ABCA12: variants seen among roughly 807,000 people sequenced by gnomAD.
ABCA12 encodes the protein ATP binding cassette subfamily A member 12, also known as glucosylceramide transporter ABCA12.
In ABCA12, 156 loss-of-function variants were observed where a neutral mutation model predicts 293.5. The ratio of observed to expected loss-of-function variants is 0.53; its 90% CI spans 0.47 to 0.61. The LOEUF is 0.61. ABCA12 is among the 20% of genes least tolerant of loss of function. The pLI, the probability that ABCA12 is intolerant of heterozygous loss-of-function variation, is 0.00. For synonymous variants in ABCA12, 1,063 were observed against 1,108.0 expected (o/e 0.96, Z 0.81); for missense variants, 2,797 against 3,090.2 (o/e 0.91, Z 2.25).
At chr2:215,128,793 C>T (rs1327019846) in intron 1 of ABCA12, among the ~76,000 whole-genome samples, 1 of 152,154 alleles carries the variant, frequency 6.6e-6, no homozygotes. Context: ...AATTCTTTGT[C>T]AGGTAAATCA....
intron 2 of ABCA12, among the ~76,000 whole-genome samples, chr2:215,107,221 G>A (rs1702481089): frequency 1.3e-5 from 2 of 152,164 alleles, no homozygotes; most frequent in African/African-American, 4.8e-5. Context: ...GGACATTCAT[G>A]GGTATGTGTG....
intron 31 of ABCA12, 100 bp from the exon 32 acceptor site, chr2:214,979,140 T>A: frequency 9.7e-7 from 1 of 1,030,450 alleles, no homozygotes; most frequent in Non-Finnish European, 1.5e-6. Flanking sequence ...TTTAGGCCAC[T>A]CCACACCTGA....
Position 214,974,472 on chromosome 2 carries a change from T to C in ABCA12, c.5468+306A>G, listed in dbSNP as rs145923982. Among the ~76,000 whole-genome samples, 614 of 152,310 alleles carry C rather than the reference T, an allele frequency of 4.0e-3. 1 individual carries two copies. Among genetic ancestry groups the C allele is most frequent in the Non-Finnish European group, 6.2e-3 (423 of 68,012 alleles). On this transcript the variant is annotated intron_variant, in intron 35 of 52. Coordinates refer to ENST00000272895, the MANE Select transcript of ABCA12 (RefSeq NM_173076.3). ...CTGGAGTCTCAGCTAGATAAGTATC[T>C]TGGTCTCTGTGGGCCTCAGTTCTTT...
intron 3 of ABCA12, among the ~76,000 whole-genome samples, chr2:215,061,467 G>C (rs779796902): frequency 6.6e-5 from 10 of 151,964 alleles, no homozygotes; most frequent in Non-Finnish European, 1.5e-4. Flanking sequence ...AGAAAAGGAA[G>C]ACTGTTTTGT....
At chr2:215,008,369 T>C (rs1700299202) in intron 18 of ABCA12, among the ~76,000 whole-genome samples, 1 of 152,044 alleles carries the variant, frequency 6.6e-6, no homozygotes, top group Non-Finnish European at 1.5e-5. Context: ...GAATATTTAT[T>C]GCTACATTGT....
rs73090405 is a variant in ABCA12, at chr2:214,986,407, C to A, written c.4163+135G>T. 2,545 of 947,378 alleles carry A rather than the reference C, an allele frequency of 2.7e-3. 48 individuals are homozygous for A. In the African/African-American group the frequency reaches 0.037, roughly 14 times the overall value. 58.7% of individuals were successfully genotyped at this position (947,378 alleles called of 1,614,324 possible). A position where few individuals can be genotyped will look rare whatever the true frequency, so the allele number is the denominator to read the frequency against. On this transcript the variant is annotated intron_variant, in intron 28 of 52. Transcript: ENST00000272895. ...GATTTTGACTCCATTCTATAGCATA[C>A]AAGTTGAACCATCTTCCTCCATCTG... is the stretch of plus-strand genomic sequence containing the variant.
At chr2:215,093,699 A>G (rs11682556) in intron 2 of ABCA12, among the ~76,000 whole-genome samples, 53,519 of 152,044 alleles carry the variant, frequency 0.35, 10,133 homozygotes, top group Non-Finnish European at 0.44. Flanking sequence ...AACTTTCAAA[A>G]TCTATTTTCT....
At chr2:215,004,018 A>G (rs1700200021) in intron 20 of ABCA12, among the ~76,000 whole-genome samples, 191 bp downstream of exon 20, 1 of 152,176 alleles carries the variant, frequency 6.6e-6, no homozygotes, top group Non-Finnish European at 1.5e-5. Flanking sequence ...CCAAATAATC[A>G]TGACTACTTG....
rs1388577327 is a variant in ABCA12 at position 214,956,702 on chromosome 2, T to C, written c.6194A>G (p.Asn2065Ser). The C allele has an allele frequency of 6.2e-7, 1 of 1,613,600 alleles. No homozygotes were observed. Among genetic ancestry groups the C allele is most frequent in the African/African-American group, 1.3e-5 (1 of 74,872 alleles). Residue 2065 changes from asparagine (N) to serine (S), a missense_variant, in exon 42 of 53, where the codon AAC becomes AGC. By Grantham distance (46) the Asn-to-Ser change is conservative. Around this residue, in one of 3 missense-constraint regions of ABCA12, gnomAD observed 2,130 missense variants for 2,427.0 expected, o/e 0.88. Transcript: ENST00000272895. ...TAGGAGAGATACAGCGCCTAGGTTGTTTTCACTGTAGAATGCAGGTAATTT... is the reference window on the plus strand; with the variant it reads ...TAGGAGAGATACAGCGCCTAGGTTGCTTTCACTGTAGAATGCAGGTAATTT... Reference protein sequence around the residue: ...IFKLPAFYSENNLGAVSLLLL... With the variant: ...IFKLPAFYSESNLGAVSLLLL...
At chr2:215,061,575 C>T (rs1701529050) in intron 3 of ABCA12, among the ~76,000 whole-genome samples, 1 of 152,048 alleles carries the variant, frequency 6.6e-6, no homozygotes, top group Non-Finnish European at 1.5e-5. Context: ...TTTCATTGCA[C>T]AGCTATATAA....
intron 27 of ABCA12, among the ~76,000 whole-genome samples, 196 bp from the exon 28 acceptor site, chr2:214,986,924 G>A (rs10755029): frequency 0.99 from 150,041 of 152,324 alleles, 73,927 homozygotes; most frequent in East Asian, 1. Flanking sequence ...TGGAGAACCA[G>A]GGTTCATTTC....
chr2:214,993,087 C>T (rs1699959953), intron 23 of ABCA12, among the ~76,000 whole-genome samples: 1 of 152,212 alleles, frequency 6.6e-6, no homozygotes, highest in Non-Finnish European at 1.5e-5. Flanking sequence ...AACTCTGCTG[C>T]TCCAGTTGTT....
At chr2:214,995,717 T>C (rs374497690) in intron 23 of ABCA12, among the ~76,000 whole-genome samples, 1 of 152,178 alleles carries the variant, frequency 6.6e-6, no homozygotes, top group East Asian at 1.9e-4. Context: ...ACACTGTATT[T>C]CTTTGAATTT....
At chr2:214,969,600 T>G (rs1699341293) in intron 37 of ABCA12, among the ~76,000 whole-genome samples, 1 of 152,156 alleles carries the variant, frequency 6.6e-6, no homozygotes, top group Non-Finnish European at 1.5e-5. Context: ...TATTTACATG[T>G]ATATCTGTGA....
At chr2:215,028,111 T>A (rs985668489) in intron 9 of ABCA12, among the ~76,000 whole-genome samples, 21 of 152,356 alleles carry the variant, frequency 1.4e-4, no homozygotes, top group African/African-American at 5.0e-4. Context: ...GATTTGGGGA[T>A]CATCTGTTTT....
At chr2:214,960,032 G>GA (rs1245935657) in intron 39 of ABCA12, among the ~76,000 whole-genome samples, 1 of 152,118 alleles carries the variant, frequency 6.6e-6, no homozygotes, top group East Asian at 1.9e-4. Context: ...ATTGTACTAG[G>GA]ATGTTAAGGC....
chr2:214,966,778 A>C (rs138722991), intron 39 of ABCA12, 70 bp downstream of exon 39: 5 of 1,414,786 alleles, frequency 3.5e-6, no homozygotes, highest in Admixed American at 1.7e-5. Flanking sequence ...GAAACAGGAT[A>C]TAAAGTGCAT....
At chr2:215,027,535 A>G (rs1700776307) in intron 9 of ABCA12, among the ~76,000 whole-genome samples, 1 of 152,160 alleles carries the variant, frequency 6.6e-6, no homozygotes, top group South Asian at 2.1e-4. Flanking sequence ...GCACACTTAC[A>G]TGAAAGAAAA....
chr2:215,007,869 A>T, intron 18 of ABCA12, 23 bp from the exon 19 acceptor site: 2 of 1,613,558 alleles, frequency 1.2e-6, no homozygotes, highest in Non-Finnish European at 1.7e-6. Flanking sequence ...GAAACAAAAG[A>T]AGTGTGATCC....
Sources: allele counts gnomAD v4.1 joint callset (sites outside exome capture counted in the v4.1 genomes callset), GRCh38; gene constraint gnomAD v4.1.1; regional missense constraint gnomAD v4.1.1; transcripts MANE v1.5; gene names NCBI Gene and HGNC (gene_info 2026-07-23, HGNC 2026-07-21).